Variants in PTCHD4 observed in about 807,000 individuals in gnomAD.
PTCHD4 encodes the protein patched domain containing 4, also known as patched domain-containing protein 4.
A neutral mutation model predicts 58.1 loss-of-function variants in PTCHD4; 33 were observed. The observed-to-expected ratio is 0.57, with a 90% confidence interval of 0.43 to 0.76. PTCHD4 has a LOEUF of 0.76. Ranked by LOEUF, PTCHD4 falls within the 30% of genes least tolerant of loss-of-function variation. The pLI is 0.00. For missense variants in PTCHD4, 1,058 were observed against 1,027.1 expected (o/e 1.03, Z -0.41); for synonymous variants, 478 against 409.6 (o/e 1.17, Z -2.02).
intron 4 of PTCHD4, among the ~76,000 whole-genome samples, chr6:47,988,716 T>A (rs1337800613): frequency 6.6e-6 from 1 of 152,226 alleles, no homozygotes; most frequent in Non-Finnish European, 1.5e-5. Context: ...ATGTGAAAAG[T>A]GCCTTTCATC....
At chr6:47,997,270 A>G (rs1302198539) in intron 4 of PTCHD4, among the ~76,000 whole-genome samples, 1 of 152,076 alleles carries the variant, frequency 6.6e-6, no homozygotes, top group Non-Finnish European at 1.5e-5. Context: ...TTGTGCTAAA[A>G]AGTAGTTTTA....
intron 4 of PTCHD4, among the ~76,000 whole-genome samples, chr6:47,984,032 CAT>C (rs1423540631): frequency 1.3e-5 from 2 of 152,058 alleles, no homozygotes; most frequent in African/African-American, 4.8e-5. Flanking sequence ...TTGTGACAAA[CAT>C]CATCAATAAG....
chr6:47,956,462 C>G (rs923281633), intron 4 of PTCHD4, among the ~76,000 whole-genome samples: 4 of 151,582 alleles, frequency 2.6e-5, no homozygotes, highest in Non-Finnish European at 5.9e-5. Flanking sequence ...GAGACGGAGT[C>G]TAGCTATGTC....
chr6:47,900,112 G>A (rs1358842518), intron 4 of PTCHD4: 5 of 152,102 alleles, frequency 3.3e-5, no homozygotes, highest in Non-Finnish European at 7.4e-5. Context: ...GTTTTGTGTG[G>A]ATAAATATTT....
intron 4 of PTCHD4, among the ~76,000 whole-genome samples, chr6:47,950,335 A>G (rs1245120462): frequency 6.6e-6 from 1 of 152,150 alleles, no homozygotes; most frequent in Non-Finnish European, 1.5e-5. Context: ...AGCAAGACTC[A>G]GGACAGTACT....
intron 4 of PTCHD4, among the ~76,000 whole-genome samples, chr6:47,992,401 A>G (rs1768315978): frequency 6.6e-6 from 1 of 152,194 alleles, no homozygotes. Flanking sequence ...CTTCCAATTT[A>G]CATGTTATCA....
In PTCHD4 at chr6:47,862,987, T is replaced by C. The variant is rs185299271; in HGVS notation, c.*15316A>G. On this transcript the variant is annotated 3_prime_UTR_variant, in exon 5 of 5. Coordinates refer to ENST00000339488, the MANE Select transcript of PTCHD4 (RefSeq NM_001384253.1). The stretch of plus-strand genomic sequence containing the variant: ...CACACATTGAGGGTAATTCAAAGAA[T>C]AGGCTTCATTTTGCCAGTGTTGAAG... Among the ~76,000 whole-genome samples, 472 of 152,070 alleles carry C rather than the reference T, an allele frequency of 3.1e-3. 11 individuals carry two copies. The highest frequency in any genetic ancestry group is 0.018 in the East Asian group (94 of 5,142).
intron 1 of PTCHD4, among the ~76,000 whole-genome samples, chr6:48,075,292 C>G (rs1765042201): frequency 6.6e-6 from 1 of 152,064 alleles, no homozygotes; most frequent in African/African-American, 2.4e-5. Context: ...ATATGTTTAA[C>G]AGTGTAAAAA....
intron 4 of PTCHD4, among the ~76,000 whole-genome samples, chr6:47,967,869 GT>G (rs1490879714): frequency 1.3e-5 from 2 of 152,170 alleles, no homozygotes; most frequent in Non-Finnish European, 2.9e-5. Context: ...TTAAGGGAAT[GT>G]TGTGGCTGGT....
At chr6:48,076,022 A>G (rs1765059260) in intron 1 of PTCHD4, among the ~76,000 whole-genome samples, 7 of 152,228 alleles carry the variant, frequency 4.6e-5, no homozygotes, top group Admixed American at 4.6e-4. Flanking sequence ...TTCTTTCAAG[A>G]TTGGAGTCAT....
intron 1 of PTCHD4, among the ~76,000 whole-genome samples, chr6:48,104,264 T>C (rs951409007): frequency 1.3e-5 from 2 of 152,146 alleles, no homozygotes; most frequent in African/African-American, 2.4e-5. Flanking sequence ...CGGCAGAAAC[T>C]CTACAAGCCA....
At chr6:47,912,959 A>T (rs750239324) in intron 4 of PTCHD4, among the ~76,000 whole-genome samples, 2 of 152,138 alleles carry the variant, frequency 1.3e-5, no homozygotes, top group African/African-American at 2.4e-5. Flanking sequence ...ATTGCTCAAG[A>T]TGAGAGTGAG....
rs2114079051 is a variant in PTCHD4, at chr6:47,871,464, C to T, written c.*6839G>A. 6.6e-6 allele frequency among the ~76,000 whole-genome samples: 1 copy of T among 151,660 alleles called. No homozygotes were observed. The highest frequency in any genetic ancestry group is 3.4e-3 in the Middle Eastern group (1 of 294). The stretch of plus-strand genomic sequence containing the variant: ...GTAGACTGCTGCCTCTAATCAAAGT[C>T]AGATTACTCTCTTTCTGAGTCAATT... On this transcript the variant is annotated 3_prime_UTR_variant, in exon 5 of 5. Transcript: ENST00000339488.
At chr6:48,028,554 C>A (rs987823853) in intron 3 of PTCHD4, among the ~76,000 whole-genome samples, 24 of 152,006 alleles carry the variant, frequency 1.6e-4, no homozygotes, top group African/African-American at 5.8e-4. Context: ...TGCAAAACTA[C>A]AATTTGTTTT....
chr6:47,891,378 T>C (rs1439866178), intron 4 of PTCHD4, among the ~76,000 whole-genome samples: 1 of 151,862 alleles, frequency 6.6e-6, no homozygotes, highest in Non-Finnish European at 1.5e-5. Context: ...CAAAACAGCA[T>C]CAGACAAGGC....
At chr6:47,933,533 A>C (rs1765895670) in intron 4 of PTCHD4, among the ~76,000 whole-genome samples, 1 of 152,246 alleles carries the variant, frequency 6.6e-6, no homozygotes, top group Non-Finnish European at 1.5e-5. Context: ...AACCAAAAAC[A>C]TTTTAAGTGC....
At position 47,875,830 on chromosome 6, in the gene PTCHD4, C is replaced by A. The variant is rs1363894591; in HGVS notation, c.*2473G>T. On this transcript the variant is annotated 3_prime_UTR_variant, in exon 5 of 5. Coordinates refer to ENST00000339488, the MANE Select transcript of PTCHD4 (RefSeq NM_001384253.1). ...TTTCCCTGTAAATCAGCCTGCCATT[C>A]TTCTTTGCATGCAGAATGGTCTATA... 6.6e-6 allele frequency among the ~76,000 whole-genome samples: 1 copy of A among 151,722 alleles called. No individual in the cohort carries two copies. Among genetic ancestry groups the A allele is most frequent in the African/African-American group, 2.4e-5 (1 of 41,362 alleles).
chr6:47,906,293 C>A (rs1012588365), intron 4 of PTCHD4, among the ~76,000 whole-genome samples: 1 of 152,190 alleles, frequency 6.6e-6, no homozygotes, highest in Admixed American at 6.5e-5. Context: ...GCTGTCATTG[C>A]ACACAGTGAA....
intron 1 of PTCHD4, among the ~76,000 whole-genome samples, chr6:48,104,379 T>C (rs548046826): frequency 1.3e-4 from 20 of 152,282 alleles, no homozygotes; most frequent in African/African-American, 3.9e-4. Flanking sequence ...AGAAATAAAA[T>C]ACTTTACAGA....
Sources: allele counts gnomAD v4.1 joint callset (sites outside exome capture counted in the v4.1 genomes callset), GRCh38; gene constraint gnomAD v4.1.1; transcripts MANE v1.5; gene names NCBI Gene and HGNC (gene_info 2026-07-23, HGNC 2026-07-21).